The following UVRAG variants were observed in gnomAD, a reference collection of about 807,000 sequenced individuals.
UVRAG encodes UV radiation resistance-associated gene protein.
A neutral mutation model predicts 78.0 loss-of-function variants in UVRAG; 19 were observed. The observed-to-expected ratio is 0.24, with a 90% CI of 0.17 to 0.36. UVRAG has a LOEUF of 0.36. Ranked by LOEUF, UVRAG falls within the 10% of genes least tolerant of loss-of-function variation. UVRAG has a pLI of 1.00. For missense variants in UVRAG, 740 were observed against 853.8 expected, an observed-to-expected ratio of 0.87 and a Z score of 1.66; for synonymous variants, 323 against 324.6, an observed-to-expected ratio of 1.00 and a Z score of 0.05.
chr11:76,016,754 A>G (rs1950152616), intron 11 of UVRAG, 61 bp from the exon 12 acceptor site: 1 of 1,368,212 alleles, frequency 7.3e-7, no homozygotes, highest in Non-Finnish European at 9.7e-7. Flanking sequence ...ATTATTTATT[A>G]TCTTATGGTT....
At chr11:76,022,025 G>T (rs1950253826) in intron 12 of UVRAG, among the ~76,000 whole-genome samples, 1 of 152,088 alleles carries the variant, frequency 6.6e-6, no homozygotes. Context: ...CTGCATTCCA[G>T]CCTGGGTGAC....
At chr11:76,020,548 G>T (rs1465438189) in intron 12 of UVRAG, among the ~76,000 whole-genome samples, 1 of 151,900 alleles carries the variant, frequency 6.6e-6, no homozygotes, top group Admixed American at 6.6e-5. Context: ...GCCTGGAATG[G>T]GGGCCTCATG....
At chr11:75,866,372 T>C (rs1171768219) in intron 3 of UVRAG, among the ~76,000 whole-genome samples, 1 of 146,504 alleles carries the variant, frequency 6.8e-6, no homozygotes, top group East Asian at 1.9e-4. Flanking sequence ...AATAAATAAA[T>C]AAATAAATAA....
At chr11:75,852,969 G>A (rs1946189406) in intron 2 of UVRAG, among the ~76,000 whole-genome samples, 1 of 152,104 alleles carries the variant, frequency 6.6e-6, no homozygotes, top group Non-Finnish European at 1.5e-5. Context: ...AGAGTACAGT[G>A]GCACAATCAT....
intron 6 of UVRAG, among the ~76,000 whole-genome samples, chr11:75,924,589 C>A (rs556779572): frequency 2.0e-4 from 31 of 152,042 alleles, no homozygotes; most frequent in Admixed American, 1.3e-4. Context: ...GGGGTTTCAC[C>A]GTGTTAGCCA....
In UVRAG at chr11:76,007,597, T is replaced by C. The variant is rs773090858; in HGVS notation, c.975T>C (p.Leu325=). The change falls in exon 10 of 15, where the codon CTT becomes CTC. Residue 325 remains leucine, a synonymous_variant. Coordinates refer to ENST00000356136, the MANE Select transcript of UVRAG (RefSeq NM_003369.4). The part of the protein sequence containing the change: ...TIRCRQLLSE[L]SYIYPIDLNE... ...GTTGCAGGCAGTTACTCTCTGAGCT[T>C]TCCTACATTTACCCTATTGATTTGG... The C allele has an allele frequency of 6.2e-7, 1 of 1,613,916 alleles. No homozygotes were observed. Among genetic ancestry groups the C allele is most frequent in the Admixed American group, 1.7e-5 (1 of 60,024 alleles).
intron 1 of UVRAG, among the ~76,000 whole-genome samples, chr11:75,827,431 G>A (rs748590916): frequency 6.6e-6 from 1 of 152,086 alleles, no homozygotes; most frequent in South Asian, 2.1e-4. Context: ...CCAACATGGC[G>A]AAACCCCATC....
At chr11:75,827,038 A>G (rs1341210032) in intron 1 of UVRAG, among the ~76,000 whole-genome samples, 1 of 152,148 alleles carries the variant, frequency 6.6e-6, no homozygotes, top group Non-Finnish European at 1.5e-5. Context: ...ATGCAGTCAG[A>G]CATTTTTGAA....
At chr11:76,006,840 C>G (rs1389201893) in intron 9 of UVRAG, among the ~76,000 whole-genome samples, 4 of 151,980 alleles carry the variant, frequency 2.6e-5, no homozygotes, top group Non-Finnish European at 5.9e-5. Context: ...CCAGATCTTT[C>G]TTGAAATCAA....
intron 13 of UVRAG, among the ~76,000 whole-genome samples, chr11:76,067,130 C>T (rs1479997931): frequency 1.3e-5 from 2 of 152,114 alleles, no homozygotes; most frequent in African/African-American, 2.4e-5. Flanking sequence ...TTGTTGTTCT[C>T]TTCTGAAATT....
At chr11:75,924,054 G>T (rs1018648320) in intron 6 of UVRAG, among the ~76,000 whole-genome samples, 1 of 149,906 alleles carries the variant, frequency 6.7e-6, no homozygotes, top group African/African-American at 2.5e-5. Flanking sequence ...GACTATATAC[G>T]TTCAGGGAAT....
chr11:76,106,867 A>G (rs1441016099), intron 13 of UVRAG, among the ~76,000 whole-genome samples: 1 of 152,060 alleles, frequency 6.6e-6, no homozygotes, highest in East Asian at 1.9e-4. Flanking sequence ...AATGGATCCT[A>G]CTCAAGTCTA....
At chr11:76,125,950 C>CTT (rs71036075) in intron 14 of UVRAG, among the ~76,000 whole-genome samples, 17 of 137,662 alleles carry the variant, frequency 1.2e-4, no homozygotes, top group South Asian at 9.3e-4. Context: ...CTGGCAGTCA[C>CTT]TTTTTTTTTT....
At chr11:75,901,288 A>T (rs1947492775) in intron 5 of UVRAG, among the ~76,000 whole-genome samples, 1 of 151,912 alleles carries the variant, frequency 6.6e-6, no homozygotes, top group African/African-American at 2.4e-5. Flanking sequence ...TCCCTTGCCC[A>T]TCAAGATTTC....
chr11:76,030,388 A>G (rs1241002886), intron 12 of UVRAG, among the ~76,000 whole-genome samples: 1 of 152,122 alleles, frequency 6.6e-6, no homozygotes, highest in Non-Finnish European at 1.5e-5. Context: ...TATCCAGTGT[A>G]TGTCTGTACT....
chr11:76,105,547 A>G (rs918140715), intron 13 of UVRAG, among the ~76,000 whole-genome samples: 5 of 152,214 alleles, frequency 3.3e-5, no homozygotes, highest in Non-Finnish European at 5.9e-5. Context: ...CAGGGATTCA[A>G]GACCAGCCTG....
rs1175927810 is a variant in UVRAG at position 76,004,079 on chromosome 11, A to G, written c.901A>G (p.Thr301Ala). The G allele has an allele frequency of 6.2e-7, 1 of 1,614,024 alleles. No homozygotes were observed. Among genetic ancestry groups the G allele is most frequent in the Non-Finnish European group, 8.5e-7 (1 of 1,179,944 alleles). Reference protein sequence around the residue: ...ESLNELRKECTAKRELFLKTN... With the variant: ...ESLNELRKECAAKRELFLKTN... ...CCTAAATGAGCTGAGGAAGGAGTGCACTGCAAAAAGGTAAATGCACACTGA... is the reference window on the plus strand; with the variant it reads ...CCTAAATGAGCTGAGGAAGGAGTGCGCTGCAAAAAGGTAAATGCACACTGA... The change falls in exon 9 of 15, where the codon ACT becomes GCT. Residue 301 changes from threonine to alanine, a missense_variant. Thr to Ala is a moderately conservative substitution (Grantham distance 58). Transcript: ENST00000356136.
At chr11:75,817,494 A>G (rs939276203) in intron 1 of UVRAG, among the ~76,000 whole-genome samples, 1 of 152,186 alleles carries the variant, frequency 6.6e-6, no homozygotes, top group African/African-American at 2.4e-5. Context: ...AGTGCCGAGT[A>G]TGCTATTTAC....
intron 7 of UVRAG, among the ~76,000 whole-genome samples, chr11:75,963,100 T>C (rs1426702466): frequency 2.0e-5 from 3 of 152,214 alleles, no homozygotes; most frequent in African/African-American, 7.2e-5. Context: ...CAGTACATTC[T>C]ATCCCTTTTC....
Sources: allele counts gnomAD v4.1 joint callset (sites outside exome capture counted in the v4.1 genomes callset), GRCh38; gene constraint gnomAD v4.1.1; transcripts MANE v1.5; gene names NCBI Gene and HGNC (gene_info 2026-07-23, HGNC 2026-07-21).